HELQ: variants seen among roughly 807,000 people sequenced by gnomAD.
HELQ encodes helicase, POLQ like.
HELQ carries 77 observed loss-of-function variants against 111.6 expected under a neutral mutation model. The ratio of observed to expected loss-of-function variants is 0.69; its 90% CI spans 0.57 to 0.83. The LOEUF (loss-of-function observed/expected upper bound fraction) is 0.83, where lower values mean the gene tolerates loss of function less well. Among genes scored for constraint, HELQ ranks in the 40% least tolerant of loss-of-function variants. HELQ has a pLI of 0.00. For missense variants in HELQ, 1,200 were observed against 1,288.5 expected (o/e 0.93, Z 1.05); for synonymous variants, 438 against 454.7 (o/e 0.96, Z 0.47).
chr4:83,453,943 A>G lies in HELQ; in HGVS notation c.300T>C (p.Pro100=), dbSNP rs771797340. Residue 100 remains proline (P), a splice_region_variant and synonymous_variant, in exon 2 of 18, where the codon CCT becomes CCC. Transcript: ENST00000295488. ...CAAACATGTCCACTTCACTGTCATT[A>G]GGCTGCAAAGAGAACAAAAACGCTT... ...MPTDRGVGDQ[P]NDSEVDMFGD... is the part of the protein sequence containing the mutation. The G allele has an allele frequency of 6.8e-5, 107 of 1,576,088 alleles. No homozygotes were observed. The highest frequency in any genetic ancestry group is 2.0e-4 in the Admixed American group (11 of 56,162).
Position 83,449,067 on chromosome 4 carries a change from C to T in HELQ, c.1013-106G>A, listed in dbSNP as rs1261694064. ...ATCCCTTCCTGTGGAGCAATCCTCT[C>T]ATAAGGATAAATTTAATTATAACCA... On this transcript the variant is annotated intron_variant, in intron 2 of 17. Transcript: ENST00000295488. The T allele has an allele frequency of 5.0e-6, 4 of 799,722 alleles. No individual in the cohort carries two copies. In the African/African-American group the frequency reaches 6.9e-5, roughly 14 times the overall value. The allele number at this position is 799,722 out of a possible 1,614,324, so 49.5% of individuals were successfully genotyped here.
At chr4:83,455,842 G>T, upstream of HELQ, 1 of 835,812 alleles carries the variant, frequency 1.2e-6, no homozygotes. Context: ...CGGACCGGAA[G>T]CACGCATAAA....
At chr4:83,419,654 C>G (rs1739558374) in intron 15 of HELQ, among the ~76,000 whole-genome samples, 1 of 151,300 alleles carries the variant, frequency 6.6e-6, no homozygotes, top group African/African-American at 2.4e-5. Flanking sequence ...GCAATGAAAA[C>G]AAAGGGAAAA....
chr4:83,444,934 T>C (rs1455561319), intron 5 of HELQ, among the ~76,000 whole-genome samples: 1 of 152,192 alleles, frequency 6.6e-6, no homozygotes, highest in Non-Finnish European at 1.5e-5. Flanking sequence ...ATTTGGTGGA[T>C]GAAGGGCAGT....
At chr4:83,439,487 G>A (rs560148084) in intron 8 of HELQ, among the ~76,000 whole-genome samples, 11 of 151,918 alleles carry the variant, frequency 7.2e-5, no homozygotes, top group Middle Eastern at 3.4e-3. Context: ...AGCCTCCCCA[G>A]TAGCTGGGAT....
In HELQ at chr4:83,453,218, C is replaced by T. The variant is rs374006544; in HGVS notation, c.1012+13G>A. 15 of 1,554,072 alleles carry T rather than the reference C, an allele frequency of 9.7e-6. No homozygotes were observed. The African/African-American group carries it at 1.7e-4, about 17-fold the overall frequency. ...TAGGAAAAAAATTTTTTTATTCCAG[C>T]AAAAAGCATTACCATATAATTTTTC... On this transcript the variant is annotated intron_variant, in intron 2 of 17. Coordinates refer to ENST00000295488, the MANE Select transcript of HELQ (RefSeq NM_133636.5).
At chr4:83,446,287 C>T (rs890394429) in intron 4 of HELQ, among the ~76,000 whole-genome samples, 4 of 151,204 alleles carry the variant, frequency 2.6e-5, no homozygotes, top group African/African-American at 9.7e-5. Context: ...CCTTATAAAT[C>T]TGGGATTCAT....
intron 8 of HELQ, among the ~76,000 whole-genome samples, chr4:83,437,623 AG>A (rs1395302359): frequency 5.4e-5 from 8 of 148,476 alleles, no homozygotes; most frequent in Non-Finnish European, 1.0e-4. Flanking sequence ...AAAAAAAAAA[AG>A]GAAAAATATA....
At chr4:83,411,625 A>AAAT (rs1348314545) in intron 17 of HELQ, among the ~76,000 whole-genome samples, 2 of 151,104 alleles carry the variant, frequency 1.3e-5, no homozygotes, top group African/African-American at 4.9e-5. Flanking sequence ...ATAAATAAAT[A>AAAT]AAATTAATTA....
intron 10 of HELQ, 108 bp from the exon 11 acceptor site, chr4:83,431,876 CA>C (rs1720171485): frequency 7.8e-6 from 4 of 514,908 alleles, no homozygotes; most frequent in East Asian, 7.0e-5. Context: ...AGAAGGAGAC[CA>C]AAAAAGTAAA....
chr4:83,439,458 CA>C (rs1413581293), intron 8 of HELQ, among the ~76,000 whole-genome samples: 1 of 151,856 alleles, frequency 6.6e-6, no homozygotes, highest in Admixed American at 6.6e-5. Context: ...CTCCCGGGTC[CA>C]ACAGATTCTC....
chr4:83,454,273 T>C (rs1422409076), intron 1 of HELQ, among the ~76,000 whole-genome samples: 6 of 152,130 alleles, frequency 3.9e-5, no homozygotes, highest in Admixed American at 3.3e-4. Flanking sequence ...ACCAAGTATA[T>C]AATTATATGG....
At chr4:83,441,499 A>T in intron 6 of HELQ, 96 bp from the exon 7 acceptor site, 1 of 596,894 alleles carries the variant, frequency 1.7e-6, no homozygotes, top group Admixed American at 3.8e-5. Context: ...GGACAGCTAT[A>T]AAAGAGTTTA....
Position 83,431,685 on chromosome 4 carries a change from AAAT to A in HELQ, c.2271_2273del (p.Leu757del), listed in dbSNP as rs757808681. The A allele has an allele frequency of 1.3e-5, 20 of 1,551,938 alleles. No individual in the cohort carries two copies. The highest frequency in any genetic ancestry group is 2.8e-5 in the African/African-American group (2 of 71,468). ...ATACCTTCAAACCAATCAAAGAGAG[AAAT>A]AATGTTTGGATTCCCTTGGTGAATT... On this transcript the variant is annotated inframe_deletion, in exon 11 of 18. Transcript: ENST00000295488.
At chr4:83,442,693 G>A (rs1720839955) in intron 6 of HELQ, among the ~76,000 whole-genome samples, 3 of 151,952 alleles carry the variant, frequency 2.0e-5, no homozygotes, top group South Asian at 4.1e-4. Flanking sequence ...TTACAGGTGT[G>A]AGCCACCGCG....
chr4:83,455,324 T>C lies in HELQ; in HGVS notation c.297+73A>G, dbSNP rs1721700348. The C allele has an allele frequency of 2.6e-6, 4 of 1,565,284 alleles. No homozygotes were observed. The Admixed American group carries it at 5.4e-5, about 21-fold the overall frequency. On this transcript the variant is annotated intron_variant, in intron 1 of 17. Transcript: ENST00000295488. Reference sequence around the variant, plus strand: ...AGACGAGAGAAGTAAACGAAGGCGATAAAACTGGTCAACTCTTTGCATCTG... The same window carrying C: ...AGACGAGAGAAGTAAACGAAGGCGACAAAACTGGTCAACTCTTTGCATCTG...
chr4:83,447,178 T>A (rs554333221), intron 3 of HELQ, 143 bp from the exon 4 acceptor site: 29 of 592,872 alleles, frequency 4.9e-5, no homozygotes, highest in South Asian at 4.1e-4. Flanking sequence ...TGAGACCTCA[T>A]CTCTATAAAA....
chr4:83,441,291 G>A lies in HELQ; in HGVS notation c.1662+14C>T, dbSNP rs766118231. The A allele has an allele frequency of 4.2e-6, 6 of 1,445,544 alleles. No individual in the cohort carries two copies. The African/African-American group carries it at 7.2e-5, about 17-fold the overall frequency. The allele number at this position is 1,445,544 out of a possible 1,614,324, so 89.5% of individuals were successfully genotyped here. ...AAGTCTGGTAACCTGGAATTTAAAT[G>A]TTATCAATGTTACCTTATAATTAAG... On this transcript the variant is annotated intron_variant, in intron 7 of 17. Transcript: ENST00000295488.
rs769917951 is a variant in HELQ at position 83,429,654 on chromosome 4, C to T, written c.2388G>A (p.Trp796Ter). Residue 796 changes from tryptophan to a stop codon, truncating the protein, a stop_gained, in exon 12 of 18, where the codon TGG (tryptophan) becomes TGA (stop). Transcript: ENST00000295488. LOFTEE classifies it high-confidence loss of function. The part of the protein sequence containing the change: ...QKVLLKEKSL[W>*]EITVESLRYL... ...ATCTAAGTGATTCAACAGTTATTTC[C>T]CAGAGACTTTTTTCTTTCAATAAAA... is the stretch of plus-strand genomic sequence containing the variant. The T allele has an allele frequency of 5.6e-6, 9 of 1,612,774 alleles. No individual in the cohort carries two copies. The highest frequency in any genetic ancestry group is 6.8e-6 in the Non-Finnish European group (8 of 1,179,224).
Sources: allele counts gnomAD v4.1 joint callset (sites outside exome capture counted in the v4.1 genomes callset), GRCh38; gene constraint gnomAD v4.1.1; transcripts MANE v1.5; gene names NCBI Gene and HGNC (gene_info 2026-07-23, HGNC 2026-07-21).